CAB39: variants seen among roughly 807,000 people sequenced by gnomAD.
CAB39 encodes calcium-binding protein 39.
CAB39 carries 8 observed loss-of-function variants against 40.0 expected under a neutral mutation model. That is an observed-to-expected ratio of 0.20 (90% CI 0.12 to 0.36). The LOEUF is 0.36. Ranked by LOEUF, CAB39 falls within the 10% of genes least tolerant of loss-of-function variation. CAB39 has a pLI of 1.00. For missense variants in CAB39, 270 were observed against 401.1 expected, an observed-to-expected ratio of 0.67 and a Z score of 2.79; for synonymous variants, 156 against 141.6, an observed-to-expected ratio of 1.10 and a Z score of -0.72.
intron 2 of CAB39, among the ~76,000 whole-genome samples, chr2:230,766,445 C>G (rs1695386783): frequency 6.6e-6 from 1 of 152,094 alleles, no homozygotes; most frequent in African/African-American, 2.4e-5. Context: ...AGTGAGAACT[C>G]TGTCATTACC....
chr2:230,742,405 G>T (rs1011821593), intron 1 of CAB39, among the ~76,000 whole-genome samples: 3 of 152,116 alleles, frequency 2.0e-5, no homozygotes, highest in Admixed American at 6.5e-5. Context: ...TCGATCTCCT[G>T]ACCTCGTGAT....
chr2:230,761,434 G>A (rs1436450281), intron 2 of CAB39, among the ~76,000 whole-genome samples: 1 of 151,680 alleles, frequency 6.6e-6, no homozygotes, highest in Non-Finnish European at 1.5e-5. Context: ...TGATGGTACT[G>A]GAACTAAGGT....
At chr2:230,757,893 G>T (rs911316622) in intron 1 of CAB39, among the ~76,000 whole-genome samples, 12 of 152,030 alleles carry the variant, frequency 7.9e-5, no homozygotes, top group Admixed American at 7.2e-4. Flanking sequence ...CAGGCTTTGT[G>T]TCCCATCTGG....
At chr2:230,758,301 A>AAG (rs1035551746) in intron 1 of CAB39, among the ~76,000 whole-genome samples, 5 of 149,850 alleles carry the variant, frequency 3.3e-5, no homozygotes, top group African/African-American at 1.2e-4. Flanking sequence ...AGACTCCAAA[A>AAG]AAAAAAAAAA....
chr2:230,731,289 G>A (rs56090735), intron 1 of CAB39, among the ~76,000 whole-genome samples: 553 of 152,312 alleles, frequency 3.6e-3, no homozygotes, highest in Non-Finnish European at 6.1e-3. Flanking sequence ...AAGGCAAGAC[G>A]ATCTCATATA....
chr2:230,792,673 AT>A (rs1695911993), intron 3 of CAB39, among the ~76,000 whole-genome samples: 1 of 152,218 alleles, frequency 6.6e-6, no homozygotes, highest in Non-Finnish European at 1.5e-5. Context: ...ATTAATCTAT[AT>A]AAAGTCTTCC....
chr2:230,798,989 C>T, intron 5 of CAB39, 92 bp downstream of exon 5: 1 of 938,270 alleles, frequency 1.1e-6, no homozygotes, highest in Non-Finnish European at 1.6e-6. Context: ...CTACACGTGG[C>T]TGCCCTCTAG....
intron 2 of CAB39, among the ~76,000 whole-genome samples, chr2:230,781,158 G>A (rs541215403): frequency 2.6e-5 from 4 of 152,158 alleles, no homozygotes; most frequent in Non-Finnish European, 5.9e-5. Context: ...GTGTTGACAA[G>A]TTTGAGATAG....
chr2:230,717,298 CA>C (rs1694367217), intron 1 of CAB39, among the ~76,000 whole-genome samples: 1 of 152,154 alleles, frequency 6.6e-6, no homozygotes, highest in Admixed American at 6.5e-5. Flanking sequence ...TCTAAATTTG[CA>C]TAGCAATTTA....
chr2:230,786,888 A>C (rs988898535), intron 2 of CAB39, among the ~76,000 whole-genome samples: 1 of 152,198 alleles, frequency 6.6e-6, no homozygotes, highest in African/African-American at 2.4e-5. Context: ...GGCCCAGAAA[A>C]ATTACATTCT....
intron 1 of CAB39, among the ~76,000 whole-genome samples, chr2:230,729,960 T>A (rs1184247481): frequency 6.6e-6 from 1 of 151,918 alleles, no homozygotes; most frequent in Non-Finnish European, 1.5e-5. Context: ...AATGAGAAAA[T>A]TTTTCCAGGT....
chr2:230,802,235 A>G (rs753041077), intron 5 of CAB39, among the ~76,000 whole-genome samples: 1 of 152,202 alleles, frequency 6.6e-6, no homozygotes, highest in Non-Finnish European at 1.5e-5. Flanking sequence ...GACACAACCT[A>G]CCGCAATCTC....
chr2:230,818,772 C>G lies in CAB39; in HGVS notation c.*68C>G. On this transcript the variant is annotated 3_prime_UTR_variant, in exon 9 of 9. Transcript: ENST00000258418. ...TGTTAGCTATTCAGCATCAGGCACT[C>G]TTATTGATTCATGAGGAACATTACT... The G allele has an allele frequency of 1.6e-6, 2 of 1,216,026 alleles. No homozygotes were observed. Among genetic ancestry groups the G allele is most frequent in the Non-Finnish European group, 2.4e-6 (2 of 843,672 alleles). The allele number at this position is 1,216,026 out of a possible 1,614,324, so 75.3% of individuals were successfully genotyped here.
intron 6 of CAB39, among the ~76,000 whole-genome samples, chr2:230,811,459 G>A (rs1696304970): frequency 6.6e-6 from 1 of 152,160 alleles, no homozygotes; most frequent in Non-Finnish European, 1.5e-5. Context: ...GGATATGGGT[G>A]CGTTTCTTGT....
intron 2 of CAB39, among the ~76,000 whole-genome samples, chr2:230,785,961 G>A (rs1411777034): frequency 1.3e-5 from 2 of 151,606 alleles, no homozygotes; most frequent in Non-Finnish European, 2.9e-5. Context: ...TCAGGAGAGC[G>A]AGACCATCCT....
At chr2:230,796,313 T>C (rs1341941636) in intron 4 of CAB39, among the ~76,000 whole-genome samples, 1 of 152,244 alleles carries the variant, frequency 6.6e-6, no homozygotes, top group African/African-American at 2.4e-5. Flanking sequence ...GCATTTGAAG[T>C]CGTATTGCTA....
chr2:230,746,274 T>C (rs1415969945), intron 1 of CAB39, among the ~76,000 whole-genome samples: 5 of 152,166 alleles, frequency 3.3e-5, no homozygotes, highest in African/African-American at 1.2e-4. Context: ...TTAGTTACCA[T>C]GGGAGCTAGA....
chr2:230,756,002 T>G (rs1403112489), intron 1 of CAB39, among the ~76,000 whole-genome samples: 2 of 152,202 alleles, frequency 1.3e-5, no homozygotes, highest in African/African-American at 2.4e-5. Context: ...TCTGAATGGC[T>G]TGATGGTGGA....
intron 1 of CAB39, among the ~76,000 whole-genome samples, chr2:230,737,866 TTACCTGGAAAGCACCACTCC>T (rs1694813932): frequency 6.6e-6 from 1 of 152,214 alleles, no homozygotes; most frequent in African/African-American, 2.4e-5. Flanking sequence ...ATGTCAACAC[TTACCTGGAAAGCACCACTCC>T]ATAAAGTGTG....
Sources: gnomAD v4.1 joint callset for allele counts (sites outside exome capture counted in the v4.1 genomes callset) on GRCh38, gnomAD v4.1.1 for gene constraint, MANE v1.5 for transcripts, NCBI Gene and HGNC (gene_info 2026-07-23, HGNC 2026-07-21) for gene names.